Variants in NAV2 observed in about 807,000 individuals in gnomAD.
NAV2 encodes the protein neuron navigator 2.
NAV2 carries 54 observed loss-of-function variants against 223.2 expected under a neutral mutation model. That is an observed-to-expected ratio of 0.24 (90% CI 0.19 to 0.30). The LOEUF is 0.30. Among genes scored for constraint, NAV2 ranks in the 10% least tolerant of loss-of-function variants. NAV2 has a pLI of 1.00. For synonymous variants in NAV2, 1,279 were observed against 1,239.3 expected (o/e 1.03, Z -0.67); for missense variants, 2,806 against 3,147.5 (o/e 0.89, Z 2.60).
At chr11:19,971,409 T>C (rs2153428599) in intron 10 of NAV2, among the ~76,000 whole-genome samples, 1 of 152,220 alleles carries the variant, frequency 6.6e-6, no homozygotes, top group East Asian at 1.9e-4. Flanking sequence ...GATGGAGAGA[T>C]GGGTTTGGGA....
intron 1 of NAV2, among the ~76,000 whole-genome samples, chr11:19,546,466 C>T (rs1369546843): frequency 1.3e-5 from 2 of 152,184 alleles, no homozygotes; most frequent in African/African-American, 2.4e-5. Context: ...CTGGGCAGTG[C>T]GGCCACCTCC....
At chr11:19,434,732 G>A (rs919002417) in intron 1 of NAV2, among the ~76,000 whole-genome samples, 1 of 151,984 alleles carries the variant, frequency 6.6e-6, no homozygotes, top group Non-Finnish European at 1.5e-5. Context: ...TTATAAATGA[G>A]ACTTCAAATA....
intron 3 of NAV2, among the ~76,000 whole-genome samples, chr11:19,847,699 A>C (rs2060884737): frequency 6.6e-6 from 1 of 152,248 alleles, no homozygotes; most frequent in Non-Finnish European, 1.5e-5. Flanking sequence ...GATAATATTA[A>C]TTAAAGTGAT....
chr11:19,479,826 C>A (rs542699229), intron 1 of NAV2, among the ~76,000 whole-genome samples: 1 of 152,154 alleles, frequency 6.6e-6, no homozygotes, highest in East Asian at 1.9e-4. Context: ...TTGCCTGCTA[C>A]GCTAACCCCT....
chr11:19,645,030 A>G (rs540723740), intron 1 of NAV2, among the ~76,000 whole-genome samples: 25 of 152,326 alleles, frequency 1.6e-4, no homozygotes, highest in African/African-American at 5.5e-4. Context: ...AATTATGAAA[A>G]TTTTGTGGCT....
intron 1 of NAV2, among the ~76,000 whole-genome samples, chr11:19,605,548 AAAAG>A (rs1429034890): frequency 2.6e-5 from 4 of 151,938 alleles, no homozygotes; most frequent in Non-Finnish European, 4.4e-5. Flanking sequence ...AAAAAAAAAA[AAAAG>A]AAAGTCATGA....
rs555324238 is a variant in NAV2 at position 19,907,761 on chromosome 11, G to A, written c.931+15167G>A. 6.6e-5 allele frequency among the ~76,000 whole-genome samples: 10 copies of A among 152,288 alleles called. No homozygotes were observed. In the South Asian group the frequency reaches 1.7e-3, roughly 25 times the overall value. Reference sequence around the variant, plus strand: ...TGTTTTGGAACAAAGTACTCTGATAGGTGAAGGATCAAAGGTCTTTTCTCT... The same window carrying A: ...TGTTTTGGAACAAAGTACTCTGATAAGTGAAGGATCAAAGGTCTTTTCTCT... On this transcript the variant is annotated intron_variant, in intron 6 of 37. Transcript: ENST00000349880.
intron 27 of NAV2, 23 bp downstream of exon 27, chr11:20,091,041 T>G (rs1175235940): frequency 6.2e-7 from 1 of 1,610,496 alleles, no homozygotes; most frequent in Non-Finnish European, 8.5e-7. Flanking sequence ...GAGCATGGGC[T>G]GAGCTCAAGG....
intron 1 of NAV2, among the ~76,000 whole-genome samples, chr11:19,554,002 G>C (rs1337001705): frequency 6.6e-6 from 1 of 152,230 alleles, no homozygotes; most frequent in Non-Finnish European, 1.5e-5. Flanking sequence ...TGTTCCCCTA[G>C]CAATCAGAGA....
chr11:19,525,230 A>G (rs1373767801), intron 1 of NAV2, among the ~76,000 whole-genome samples: 1 of 152,166 alleles, frequency 6.6e-6, no homozygotes, highest in Non-Finnish European at 1.5e-5. Flanking sequence ...AGGTGCACTG[A>G]TTTGCCCAAG....
intron 1 of NAV2, among the ~76,000 whole-genome samples, chr11:19,635,448 G>C (rs1278467371): frequency 6.6e-6 from 1 of 152,210 alleles, no homozygotes; most frequent in Middle Eastern, 3.2e-3. Flanking sequence ...GTTACTATGA[G>C]AGAATACCTG....
At chr11:20,107,951 C>T (rs2062286477) in intron 36 of NAV2, among the ~76,000 whole-genome samples, 169 bp downstream of exon 36, 1 of 151,980 alleles carries the variant, frequency 6.6e-6, no homozygotes, top group Admixed American at 6.5e-5. Flanking sequence ...GGCTGCAAGT[C>T]CTGGCTCTTC....
chr11:19,820,218 T>C (rs1401606025), intron 1 of NAV2, among the ~76,000 whole-genome samples: 1 of 152,222 alleles, frequency 6.6e-6, no homozygotes, highest in East Asian at 1.9e-4. Context: ...GTGGCACTGA[T>C]TGATGTCTGC....
At chr11:19,566,525 A>G (rs1486171550) in intron 1 of NAV2, among the ~76,000 whole-genome samples, 1 of 152,206 alleles carries the variant, frequency 6.6e-6, no homozygotes, top group Non-Finnish European at 1.5e-5. Flanking sequence ...TGCAAACGCC[A>G]TTTGGCTCAG....
chr11:19,587,583 G>T (rs1335615819), intron 1 of NAV2, among the ~76,000 whole-genome samples: 1 of 152,150 alleles, frequency 6.6e-6, no homozygotes, highest in Non-Finnish European at 1.5e-5. Flanking sequence ...GGTCCTCATA[G>T]AAAACTCTTA....
At chr11:19,855,803 G>C (rs1356322004) in intron 3 of NAV2, among the ~76,000 whole-genome samples, 1 of 152,210 alleles carries the variant, frequency 6.6e-6, no homozygotes, top group South Asian at 2.1e-4. Context: ...CCTTTGGATA[G>C]GGTGTTTCTT....
At chr11:19,509,250 C>T (rs745340718) in intron 1 of NAV2, among the ~76,000 whole-genome samples, 14 of 152,046 alleles carry the variant, frequency 9.2e-5, no homozygotes, top group Non-Finnish European at 1.5e-4. Context: ...GTTTCGTCCC[C>T]TATTGTTTAT....
chr11:19,691,221 T>C (rs2049165060), intron 1 of NAV2, among the ~76,000 whole-genome samples: 1 of 151,372 alleles, frequency 6.6e-6, no homozygotes, highest in Non-Finnish European at 1.5e-5. Flanking sequence ...GCCATGTATG[T>C]AGTTTTCAAT....
intron 1 of NAV2, among the ~76,000 whole-genome samples, chr11:19,575,998 T>A (rs1436720391): frequency 6.6e-6 from 1 of 152,146 alleles, no homozygotes. Context: ...ATGGCTTTTT[T>A]AAGTCATACA....
Sources: gnomAD v4.1 joint callset for allele counts (sites outside exome capture counted in the v4.1 genomes callset) on GRCh38, gnomAD v4.1.1 for gene constraint, MANE v1.5 for transcripts, NCBI Gene and HGNC (gene_info 2026-07-23, HGNC 2026-07-21) for gene names.